FBXL17: variants seen among roughly 807,000 people sequenced by gnomAD.
FBXL17 encodes the protein F-box and leucine rich repeat protein 17.
Under a neutral mutation model 66.2 loss-of-function variants are expected in FBXL17, and 22 were observed. The observed-to-expected ratio is 0.33, with a 90% confidence interval of 0.24 to 0.47. The LOEUF (loss-of-function observed/expected upper bound fraction) is 0.47. Among genes scored for constraint, FBXL17 ranks in the 20% least tolerant of loss-of-function variants. The pLI is 1.00. For missense variants in FBXL17, 878 were observed against 948.2 expected (o/e 0.93, Z 0.97); for synonymous variants, 474 against 400.5 (o/e 1.18, Z -2.19).
At chr5:108,306,722 TC>T (rs1187381505) in intron 4 of FBXL17, among the ~76,000 whole-genome samples, 1 of 152,096 alleles carries the variant, frequency 6.6e-6, no homozygotes, top group Non-Finnish European at 1.5e-5. Flanking sequence ...ATAGCATTTT[TC>T]CATCATTGTG....
At chr5:108,076,701 G>A (rs976107837) in intron 6 of FBXL17, among the ~76,000 whole-genome samples, 8 of 152,078 alleles carry the variant, frequency 5.3e-5, no homozygotes, top group Non-Finnish European at 8.8e-5. Context: ...ACCTTAATAC[G>A]GCAATGTCCC....
At chr5:108,023,152 C>T (rs1372239918) in intron 6 of FBXL17, among the ~76,000 whole-genome samples, 1 of 152,054 alleles carries the variant, frequency 6.6e-6, no homozygotes, top group Non-Finnish European at 1.5e-5. Flanking sequence ...ACAAGGTTTT[C>T]CAAATACTTT....
intron 6 of FBXL17, among the ~76,000 whole-genome samples, chr5:108,133,515 G>C (rs1751015812): frequency 6.6e-6 from 1 of 152,008 alleles, no homozygotes; most frequent in Admixed American, 6.6e-5. Flanking sequence ...AATAAACAGT[G>C]CATTTTGGAG....
intron 5 of FBXL17, among the ~76,000 whole-genome samples, chr5:108,201,430 G>C (rs1753889050): frequency 6.6e-6 from 1 of 152,006 alleles, no homozygotes; most frequent in South Asian, 2.1e-4. Flanking sequence ...AAATGGTTCT[G>C]AAATAAGATA....
At chr5:108,281,948 A>AG (rs1452162987) in intron 4 of FBXL17, among the ~76,000 whole-genome samples, 1 of 151,860 alleles carries the variant, frequency 6.6e-6, no homozygotes, top group Non-Finnish European at 1.5e-5. Flanking sequence ...TAGCCTCCCA[A>AG]GGTTGCATCA....
At chr5:108,117,052 T>C (rs1750287426) in intron 6 of FBXL17, among the ~76,000 whole-genome samples, 5 of 152,240 alleles carry the variant, frequency 3.3e-5, no homozygotes, top group Admixed American at 3.3e-4. Flanking sequence ...TTAAGGCTTG[T>C]AGTTTTTATT....
At chr5:108,290,330 GGA>G (rs1249859508) in intron 4 of FBXL17, among the ~76,000 whole-genome samples, 1 of 152,094 alleles carries the variant, frequency 6.6e-6, no homozygotes, top group African/African-American at 2.4e-5. Context: ...TACACAAAGA[GGA>G]GTTAGGAAGC....
chr5:107,922,339 C>T (rs1750352470), intron 7 of FBXL17, among the ~76,000 whole-genome samples: 1 of 152,080 alleles, frequency 6.6e-6, no homozygotes, highest in Non-Finnish European at 1.5e-5. Context: ...AATACTGCTC[C>T]CTTCAAACAG....
At chr5:108,280,178 C>T (rs1029720808) in intron 4 of FBXL17, among the ~76,000 whole-genome samples, 1 of 151,994 alleles carries the variant, frequency 6.6e-6, no homozygotes, top group Non-Finnish European at 1.5e-5. Flanking sequence ...TTATATCAGG[C>T]TATCTAAAGT....
chr5:108,222,070 T>C (rs1049873710), intron 5 of FBXL17, among the ~76,000 whole-genome samples: 1 of 152,218 alleles, frequency 6.6e-6, no homozygotes, highest in Admixed American at 6.5e-5. Context: ...AATCCTTGCC[T>C]AAAATCTTCA....
intron 5 of FBXL17, among the ~76,000 whole-genome samples, chr5:108,216,797 G>C (rs1754618254): frequency 6.6e-6 from 1 of 152,146 alleles, no homozygotes; most frequent in African/African-American, 2.4e-5. Context: ...AAGGGAACTA[G>C]CACGGGGTGT....
Position 108,132,400 on chromosome 5 carries a change from AT to A in FBXL17, c.1745+53716del, listed in dbSNP as rs1750972022. Among the ~76,000 whole-genome samples the A allele has an allele frequency of 2.0e-5, 3 of 152,298 alleles. No homozygotes were observed. The South Asian group carries it at 6.2e-4, about 32-fold the overall frequency. ...AATCTGTGTTTGTTATTAGTGTTATATATAAAAGAACAGAAACCCCTAATTA... is the reference window on the plus strand; with the variant it reads ...AATCTGTGTTTGTTATTAGTGTTATAATAAAAGAACAGAAACCCCTAATTA... On this transcript the variant is annotated intron_variant, in intron 6 of 8. Transcript: ENST00000542267.
intron 6 of FBXL17, among the ~76,000 whole-genome samples, chr5:108,159,766 T>G (rs865850213): frequency 2.0e-5 from 3 of 152,192 alleles, no homozygotes; most frequent in African/African-American, 7.2e-5. Flanking sequence ...AAATAATGGG[T>G]GAAATTAATG....
intron 6 of FBXL17, among the ~76,000 whole-genome samples, chr5:108,033,502 A>T (rs540907842): frequency 6.6e-6 from 1 of 152,090 alleles, no homozygotes; most frequent in African/African-American, 2.4e-5. Flanking sequence ...CCCAATGCCC[A>T]TTCCCACTCA....
intron 6 of FBXL17, among the ~76,000 whole-genome samples, chr5:108,128,178 A>G (rs1750794182): frequency 6.6e-6 from 1 of 152,004 alleles, no homozygotes; most frequent in African/African-American, 2.4e-5. Context: ...CATGCGAGGC[A>G]GAGCTTGCAG....
chr5:108,087,519 G>C (rs1749018821), intron 6 of FBXL17, among the ~76,000 whole-genome samples: 1 of 152,034 alleles, frequency 6.6e-6, no homozygotes, highest in Non-Finnish European at 1.5e-5. Flanking sequence ...CCGCATCAAA[G>C]TTTGAATTTT....
intron 6 of FBXL17, among the ~76,000 whole-genome samples, chr5:108,066,223 C>T (rs1409683110): frequency 6.6e-6 from 1 of 152,108 alleles, no homozygotes; most frequent in Non-Finnish European, 1.5e-5. Flanking sequence ...TATTCAAACT[C>T]AGCTAATTTG....
intron 7 of FBXL17, among the ~76,000 whole-genome samples, chr5:107,916,303 A>G (rs1327721911): frequency 1.3e-5 from 2 of 152,232 alleles, no homozygotes; most frequent in African/African-American, 4.8e-5. Flanking sequence ...AATTTACAAC[A>G]GAGGTTGGGA....
intron 6 of FBXL17, among the ~76,000 whole-genome samples, chr5:108,106,384 C>T (rs1749797067): frequency 6.6e-6 from 1 of 152,220 alleles, no homozygotes. Flanking sequence ...TGTAAAGTTG[C>T]CATACGTCCC....
Sources: gnomAD v4.1 joint callset for allele counts (sites outside exome capture counted in the v4.1 genomes callset) on GRCh38, gnomAD v4.1.1 for gene constraint, MANE v1.5 for transcripts, NCBI Gene and HGNC (gene_info 2026-07-23, HGNC 2026-07-21) for gene names.